CNGA4: variants seen among roughly 807,000 people sequenced by gnomAD.
CNGA4 encodes cyclic nucleotide-gated channel alpha-4.
In CNGA4, 32 loss-of-function variants were observed where a neutral mutation model predicts 45.6. That is an observed-to-expected ratio of 0.70 (90% CI 0.53 to 0.94). CNGA4 has a LOEUF of 0.94. Among genes scored for constraint, CNGA4 ranks in the 40% least tolerant of loss-of-function variants. The probability of loss-of-function intolerance (pLI) is 0.00; values close to 1 mark genes in which losing one functional copy is unlikely to be tolerated. For synonymous variants in CNGA4, 293 were observed against 304.6 expected, an observed-to-expected ratio of 0.96 and a Z score of 0.40; for missense variants, 726 against 755.1, an observed-to-expected ratio of 0.96 and a Z score of 0.45.
chr11:6,235,648 A>C, upstream of CNGA4: 1 of 742,986 alleles, frequency 1.3e-6, no homozygotes, highest in Non-Finnish European at 1.6e-6. Flanking sequence ...TAGTTTTAAA[A>C]GTACTTTACC....
intron 2 of CNGA4, 41 bp downstream of exon 2, chr11:6,239,526 G>A: frequency 6.2e-7 from 1 of 1,600,290 alleles, no homozygotes; most frequent in Non-Finnish European, 8.6e-7. Flanking sequence ...AAGCCAAAAA[G>A]AGGACTAAAG....
At chr11:6,244,951 C>A (rs1238516460), downstream of CNGA4, among the ~76,000 whole-genome samples, 2 of 152,184 alleles carry the variant, frequency 1.3e-5, no homozygotes, top group Non-Finnish European at 2.9e-5. The surrounding 1 kb of genome is among the most constrained non-coding windows in gnomAD (Gnocchi z 4.5). Flanking sequence ...AGTTGCACTT[C>A]AATAAAGTAT....
chr11:6,244,684 G>A (rs2133883227), downstream of CNGA4, among the ~76,000 whole-genome samples: 1 of 151,286 alleles, frequency 6.6e-6, no homozygotes, highest in South Asian at 2.1e-4. The surrounding 1 kb of genome is among the most constrained non-coding windows in gnomAD (Gnocchi z 4.5). Context: ...AAAATGCTCT[G>A]GAATTTCCAT....
upstream of CNGA4, among the ~76,000 whole-genome samples, chr11:6,236,217 T>A (rs1477629593): frequency 1.3e-5 from 2 of 152,170 alleles, no homozygotes; most frequent in Non-Finnish European, 2.9e-5. Context: ...AGAACTGCAA[T>A]CAGTACAGTG....
chr11:6,240,046 T>C lies in CNGA4; in HGVS notation c.272-20T>C, dbSNP rs761201112. 1 of 1,587,706 alleles carries C rather than the reference T, an allele frequency of 6.3e-7. No homozygotes were observed. Among genetic ancestry groups the C allele is most frequent in the Non-Finnish European group, 8.6e-7 (1 of 1,166,388 alleles). ...GCTTGACTACAGCAGGTCCGCTTCCTACCGGCTCCCTCTCCCCAGGATTCT... is the reference window on the plus strand; with the variant it reads ...GCTTGACTACAGCAGGTCCGCTTCCCACCGGCTCCCTCTCCCCAGGATTCT... On this transcript the variant is annotated intron_variant, in intron 3 of 5. Coordinates refer to ENST00000379936, the MANE Select transcript of CNGA4 (RefSeq NM_001037329.4). This position sits in a 1 kb window ranked among gnomAD's most constrained non-coding sequence, Gnocchi z 4.9.
upstream of CNGA4, chr11:6,235,617 A>G (rs1847822095): frequency 2.2e-6 from 2 of 890,822 alleles, no homozygotes; most frequent in African/African-American, 1.8e-5. Context: ...ATAGAAAAAT[A>G]GAAGTTTCAG....
Position 6,240,504 on chromosome 11 carries a change from C to T in CNGA4, c.710C>T (p.Pro237Leu), listed in dbSNP as rs200149232. 8.2e-5 allele frequency: 133 copies of T among 1,614,102 alleles called. No homozygotes were observed. Among genetic ancestry groups the T allele is most frequent in the Non-Finnish European group, 1.1e-4 (128 of 1,180,056 alleles). ...LILTTVGDTP[P>L]PAREEEYLFM... Reference sequence around the variant, plus strand: ...CTGACTACAGTGGGCGATACACCGCCGCCAGCCAGGGAAGAAGAGTACCTC... The same window carrying T: ...CTGACTACAGTGGGCGATACACCGCTGCCAGCCAGGGAAGAAGAGTACCTC... The change falls in exon 4 of 6, where the codon CCG (proline) becomes CTG (leucine). Residue 237 changes from proline to leucine, a missense_variant. Transcript: ENST00000379936. This position sits in a 1 kb window ranked among gnomAD's most constrained non-coding sequence, Gnocchi z 4.9.
intron 3 of CNGA4, 103 bp downstream of exon 3, chr11:6,239,893 G>T (rs538838063): frequency 7.3e-7 from 1 of 1,362,726 alleles, no homozygotes; most frequent in Admixed American, 2.0e-5. Context: ...TAGCACCTTC[G>T]CGTGCCTCTA....
At chr11:6,238,272 G>C (rs567480839), upstream of CNGA4, among the ~76,000 whole-genome samples, 175 of 152,298 alleles carry the variant, frequency 1.1e-3, 4 homozygotes, top group Admixed American at 0.011. Flanking sequence ...TTCTGGAGAA[G>C]GGGGAGCGTG....
At chr11:6,234,813 T>A (rs1292040074), upstream of CNGA4, 1 of 152,746 alleles carries the variant, frequency 6.5e-6, no homozygotes, top group African/African-American at 2.4e-5. Context: ...CGCCGACGGC[T>A]ATCCGAGGGA....
In CNGA4 at chr11:6,240,177, T is replaced by C; in HGVS notation, c.383T>C (p.Val128Ala). ...GCTTCCCTGATGCCCACAGATGTGG[T>C]CTACGTGCGGCTGGGCCCGCACACA... ...DLASLMPTDVVYVRLGPHTPT... is the reference protein window; with the variant it reads ...DLASLMPTDVAYVRLGPHTPT... Residue 128 changes from valine (V) to alanine (A), a missense_variant, in exon 4 of 6, where the codon GTC (valine) becomes GCC (alanine). Val to Ala is a moderately conservative substitution (Grantham distance 64, BLOSUM62 0). Transcript: ENST00000379936. This position sits in a 1 kb window ranked among gnomAD's most constrained non-coding sequence, Gnocchi z 4.9. 1 of 1,614,194 alleles carries C rather than the reference T, an allele frequency of 6.2e-7. No individual in the cohort carries two copies. The highest frequency in any genetic ancestry group is 8.5e-7 in the Non-Finnish European group (1 of 1,180,044).
Position 6,240,051 on chromosome 11 carries a change from G to A in CNGA4, c.272-15G>A. 6.3e-7 allele frequency: 1 copy of A among 1,591,288 alleles called. No homozygotes were observed. Among genetic ancestry groups the A allele is most frequent in the Non-Finnish European group, 8.6e-7 (1 of 1,168,180 alleles). On this transcript the variant is annotated splice_polypyrimidine_tract_variant and intron_variant, in intron 3 of 5. Transcript: ENST00000379936. The surrounding 1 kb of genome is among the most constrained non-coding windows in gnomAD (Gnocchi z 4.9). Reference sequence around the variant, plus strand: ...ACTACAGCAGGTCCGCTTCCTACCGGCTCCCTCTCCCCAGGATTCTTGGAA... The same window carrying A: ...ACTACAGCAGGTCCGCTTCCTACCGACTCCCTCTCCCCAGGATTCTTGGAA...
upstream of CNGA4, chr11:6,235,542 A>C: frequency 1.0e-6 from 1 of 985,372 alleles, no homozygotes; most frequent in Non-Finnish European, 1.2e-6. Flanking sequence ...CTTAGGGAAG[A>C]CTTCCGGGAG....
At position 6,240,207 on chromosome 11, in the gene CNGA4, C is replaced by CG; in HGVS notation, c.413_414insG (p.Leu139ProfsTer61). 1 of 1,614,244 alleles carries CG rather than the reference C, an allele frequency of 6.2e-7. No homozygotes were observed. Among genetic ancestry groups the CG allele is most frequent in the South Asian group, 1.1e-5 (1 of 91,090 alleles). On this transcript the variant is annotated frameshift_variant, in exon 4 of 6. Transcript: ENST00000379936. LOFTEE classifies it high-confidence loss of function. This position sits in a 1 kb window ranked among gnomAD's most constrained non-coding sequence, Gnocchi z 4.9. ...GTGCGGCTGGGCCCGCACACACCCA[C>CG]CCTGAGGCTGAACCGCTTTCTCCGC... is the stretch of plus-strand genomic sequence containing the variant.
Position 6,241,533 on chromosome 11 carries a change from G to A in CNGA4, c.1020G>A (p.Leu340=). 1 of 1,614,208 alleles carries A rather than the reference G, an allele frequency of 6.2e-7. No homozygotes were observed. Among genetic ancestry groups the A allele is most frequent in the Non-Finnish European group, 8.5e-7 (1 of 1,180,034 alleles). ...LRAEVAVSVH[L]STLSRVQIFQ... ...CAGAAGTGGCTGTGTCTGTGCACCT[G>A]TCCACTCTGAGCCGGGTGCAGATCT... The change falls in exon 5 of 6, where the codon CTG becomes CTA. Residue 340 remains leucine, a synonymous_variant. Transcript: ENST00000379936.
At position 6,239,237 on chromosome 11, in the gene CNGA4, G is replaced by A. The variant is rs1403950814; in HGVS notation, c.31G>A (p.Glu11Lys). 1.2e-6 allele frequency: 2 copies of A among 1,613,958 alleles called. No individual in the cohort carries two copies. Among genetic ancestry groups the A allele is most frequent in the Non-Finnish European group, 1.7e-6 (2 of 1,180,024 alleles). ...CCAGGACACCAAAGTGAAGACAACA[G>A]AGTCCAGTCCCCCAGCCCCATCCAA... MSQDTKVKTT[E>K]SSPPAPSKAR... is the part of the protein sequence containing the mutation. The change falls in exon 1 of 6, where the codon GAG (glutamate) becomes AAG (lysine). Residue 11 changes from glutamate to lysine, a missense_variant. Physicochemically the swap from Glu to Lys is moderately conservative, Grantham distance 56 (BLOSUM62 1). Coordinates refer to ENST00000379936, the MANE Select transcript of CNGA4 (RefSeq NM_001037329.4).
rs1033629542 is a variant in CNGA4 at position 6,244,465 on chromosome 11, G to A, written c.*56G>A. On this transcript the variant is annotated 3_prime_UTR_variant, in exon 6 of 6. Coordinates refer to ENST00000379936, the MANE Select transcript of CNGA4 (RefSeq NM_001037329.4). The surrounding 1 kb of genome is among the most constrained non-coding windows in gnomAD (Gnocchi z 4.5). Reference sequence around the variant, plus strand: ...CTAGTGAATCCAGAGTTGTAGTAAAGCCTAACTGCTGCAACTCTGTCATCC... The same window carrying A: ...CTAGTGAATCCAGAGTTGTAGTAAAACCTAACTGCTGCAACTCTGTCATCC... The A allele has an allele frequency of 2.0e-6, 3 of 1,479,356 alleles. No homozygotes were observed. Among genetic ancestry groups the A allele is most frequent in the East Asian group, 2.4e-5 (1 of 40,838 alleles). 91.6% of individuals were successfully genotyped at this position (1,479,356 alleles called of 1,614,324 possible).
chr11:6,239,067 GC>G, upstream of CNGA4: 2 of 1,531,992 alleles, frequency 1.3e-6, no homozygotes, highest in East Asian at 4.7e-5. Context: ...GTTGCTAAGA[GC>G]CCCAAAGACA....
chr11:6,243,306 G>T (rs1847943574), intron 5 of CNGA4, among the ~76,000 whole-genome samples: 1 of 152,198 alleles, frequency 6.6e-6, no homozygotes, highest in Non-Finnish European at 1.5e-5. Context: ...CATGGTGCTG[G>T]CATTTGCTCA....
Sources: gnomAD v4.1 joint callset for allele counts (sites outside exome capture counted in the v4.1 genomes callset) on GRCh38, gnomAD v4.1.1 for gene constraint, Gnocchi (gnomAD v3.1) non-coding constraint, MANE v1.5 for transcripts, NCBI Gene and HGNC (gene_info 2026-07-23, HGNC 2026-07-21) for gene names.